Variants in CCSER1 observed in about 807,000 individuals in gnomAD.
The protein encoded by CCSER1 is coiled-coil serine rich protein 1.
A neutral mutation model predicts 82.0 loss-of-function variants in CCSER1; 41 were observed. That is an observed-to-expected ratio of 0.50 (90% CI 0.39 to 0.65). The LOEUF is 0.65. Among genes scored for constraint, CCSER1 ranks in the 30% least tolerant of loss-of-function variants. The pLI, the probability that CCSER1 is intolerant of heterozygous loss-of-function variation, is 0.00. For synonymous variants in CCSER1, 414 were observed against 383.9 expected (o/e 1.08, Z -0.92); for missense variants, 1,119 against 1,064.2 (o/e 1.05, Z -0.72).
chr4:90,404,591 A>C (rs1269247484), intron 4 of CCSER1, among the ~76,000 whole-genome samples: 2 of 152,144 alleles, frequency 1.3e-5, no homozygotes, highest in Non-Finnish European at 2.9e-5. Flanking sequence ...AACACAACCA[A>C]GGACCATCAC....
Position 90,989,809 on chromosome 4 carries a change from TA to T in CCSER1, c.2172+66363del, listed in dbSNP as rs1300665566. On this transcript the variant is annotated intron_variant, in intron 9 of 10. Coordinates refer to ENST00000509176, the MANE Select transcript of CCSER1 (RefSeq NM_001145065.2). ...AAAACCACTAAAAAAAAGCAAGTCT[TA>T]TATTTGACAGAAAACAGGGAGATAG... is the stretch of plus-strand genomic sequence containing the variant. Among the ~76,000 whole-genome samples the T allele has an allele frequency of 8.0e-4, 121 of 151,752 alleles. 1 individual carries two copies. The highest frequency in any genetic ancestry group is 1.8e-4 in the Non-Finnish European group (12 of 67,826).
At chr4:90,368,092 A>T (rs1371508808) in intron 3 of CCSER1, among the ~76,000 whole-genome samples, 1 of 151,928 alleles carries the variant, frequency 6.6e-6, no homozygotes, top group African/African-American at 2.4e-5. Context: ...GAAGTTTCTC[A>T]GACTTCTACA....
rs556696975 is a variant in CCSER1 at position 91,156,822 on chromosome 4, C to G, written c.2217+70828C>G. 1.4e-3 allele frequency among the ~76,000 whole-genome samples: 214 copies of G among 151,948 alleles called. 5 individuals carry two copies. Among genetic ancestry groups the G allele is most frequent in the Non-Finnish European group, 2.6e-3 (174 of 67,862 alleles). ...TGCCCTAGATTTCATTTGCTGCCACCTTTTCTGGGATGTATTTTGGGTTAT... is the reference window on the plus strand; with the variant it reads ...TGCCCTAGATTTCATTTGCTGCCACGTTTTCTGGGATGTATTTTGGGTTAT... On this transcript the variant is annotated intron_variant, in intron 10 of 10. Transcript: ENST00000509176.
chr4:90,333,983 T>C (rs1341532277), intron 3 of CCSER1, among the ~76,000 whole-genome samples: 2 of 152,180 alleles, frequency 1.3e-5, no homozygotes, highest in East Asian at 3.9e-4. Context: ...CAAACAATTA[T>C]ATAATCTATT....
chr4:91,070,380 T>C (rs1231012659), intron 9 of CCSER1, among the ~76,000 whole-genome samples: 1 of 152,228 alleles, frequency 6.6e-6, no homozygotes, highest in Non-Finnish European at 1.5e-5. Context: ...CAGTTTATAT[T>C]TCTAAACATT....
At chr4:91,177,210 A>AT (rs2149018326) in intron 10 of CCSER1, among the ~76,000 whole-genome samples, 1 of 152,252 alleles carries the variant, frequency 6.6e-6, no homozygotes, top group Admixed American at 6.5e-5. Context: ...GTGCTGCTGG[A>AT]TTCGGTTTGC....
At chr4:90,322,203 T>C (rs552648970) in intron 3 of CCSER1, among the ~76,000 whole-genome samples, 31 of 152,288 alleles carry the variant, frequency 2.0e-4, no homozygotes, top group African/African-American at 7.5e-4. Flanking sequence ...CATGTGGATA[T>C]CCAGTTTTCC....
At chr4:91,510,047 A>G (rs1260908009) in intron 10 of CCSER1, among the ~76,000 whole-genome samples, 1 of 151,958 alleles carries the variant, frequency 6.6e-6, no homozygotes, top group Non-Finnish European at 1.5e-5. Flanking sequence ...CTATTGTTGA[A>G]TCTTCTTATG....
At chr4:91,212,597 A>T (rs1736910306) in intron 10 of CCSER1, among the ~76,000 whole-genome samples, 1 of 152,188 alleles carries the variant, frequency 6.6e-6, no homozygotes, top group Non-Finnish European at 1.5e-5. Flanking sequence ...GGAAAGAAGC[A>T]TTCCAGTTCT....
chr4:90,928,736 T>A (rs1009313682), intron 9 of CCSER1, among the ~76,000 whole-genome samples: 1 of 152,070 alleles, frequency 6.6e-6, no homozygotes, highest in Non-Finnish European at 1.5e-5. Flanking sequence ...AATCAAAAAT[T>A]CCTTTGTGAT....
intron 10 of CCSER1, among the ~76,000 whole-genome samples, chr4:91,112,105 G>A (rs879805798): frequency 3.9e-5 from 6 of 151,986 alleles, no homozygotes; most frequent in Non-Finnish European, 7.4e-5. Context: ...GTTATATTCC[G>A]GTATTGCTGA....
At chr4:90,250,032 A>G (rs1409654265) in intron 1 of CCSER1, among the ~76,000 whole-genome samples, 2 of 152,008 alleles carry the variant, frequency 1.3e-5, no homozygotes, top group African/African-American at 4.8e-5. Context: ...GGGGTCATTT[A>G]TATATCTTCT....
At chr4:90,521,155 G>A (rs1209254977) in intron 5 of CCSER1, among the ~76,000 whole-genome samples, 1 of 151,974 alleles carries the variant, frequency 6.6e-6, no homozygotes, top group Non-Finnish European at 1.5e-5. Context: ...TATAATTCTT[G>A]TGCTTCTCTT....
At chr4:90,145,055 G>A (rs1301319632) in intron 1 of CCSER1, among the ~76,000 whole-genome samples, 5 of 152,148 alleles carry the variant, frequency 3.3e-5, no homozygotes, top group East Asian at 1.9e-4. Flanking sequence ...ATGATGGCCC[G>A]TAAACTTCCA....
At chr4:91,591,703 G>C (rs531056579) in intron 10 of CCSER1, among the ~76,000 whole-genome samples, 1 of 152,220 alleles carries the variant, frequency 6.6e-6, no homozygotes, top group East Asian at 1.9e-4. Context: ...TAAAGGAGTT[G>C]AGTGAAACAT....
At chr4:90,281,629 A>T (rs904684622) in intron 1 of CCSER1, among the ~76,000 whole-genome samples, 1 of 152,040 alleles carries the variant, frequency 6.6e-6, no homozygotes, top group East Asian at 1.9e-4. Flanking sequence ...TGAAACTATT[A>T]CCATATGTAG....
At chr4:91,148,669 G>A (rs1292620859) in intron 10 of CCSER1, among the ~76,000 whole-genome samples, 1 of 152,042 alleles carries the variant, frequency 6.6e-6, no homozygotes, top group East Asian at 1.9e-4. Flanking sequence ...GGTGTGTGAT[G>A]TTCCGCATCC....
At chr4:90,371,850 A>G (rs781196352) in intron 3 of CCSER1, among the ~76,000 whole-genome samples, 1 of 152,236 alleles carries the variant, frequency 6.6e-6, no homozygotes, top group Non-Finnish European at 1.5e-5. Context: ...TCAATCTATT[A>G]TAAACAAATG....
chr4:90,945,308 G>A (rs1732103522), intron 9 of CCSER1, among the ~76,000 whole-genome samples: 1 of 151,902 alleles, frequency 6.6e-6, no homozygotes, highest in Non-Finnish European at 1.5e-5. Context: ...TGCTATTTAT[G>A]CAGAATTAGC....
Sources: gnomAD v4.1 joint callset for allele counts (sites outside exome capture counted in the v4.1 genomes callset) on GRCh38, gnomAD v4.1.1 for gene constraint, MANE v1.5 for transcripts, NCBI Gene and HGNC (gene_info 2026-07-23, HGNC 2026-07-21) for gene names.